POTEC: variants seen among roughly 807,000 people sequenced by gnomAD.
POTEC encodes POTE ankyrin domain family member C.
A neutral mutation model predicts 62.0 loss-of-function variants in POTEC; 35 were observed. The observed-to-expected ratio is 0.56, with a 90% CI of 0.43 to 0.75. The LOEUF (loss-of-function observed/expected upper bound fraction) is 0.75. POTEC is among the 30% of genes least tolerant of loss of function. The pLI is 0.00. For missense variants in POTEC, 472 were observed against 655.9 expected (o/e 0.72, Z 3.06); for synonymous variants, 156 against 221.5 (o/e 0.70, Z 2.62).
chr18:14,513,167 G>A (rs1003070658), intron 10 of POTEC, among the ~76,000 whole-genome samples: 4 of 151,504 alleles, frequency 2.6e-5, no homozygotes, highest in South Asian at 4.2e-4. Context: ...GAAACTACTC[G>A]GAGCAAACTG....
chr18:14,520,298 A>C (rs1356854290), intron 9 of POTEC, among the ~76,000 whole-genome samples: 2 of 151,574 alleles, frequency 1.3e-5, no homozygotes, highest in Non-Finnish European at 2.9e-5. Context: ...CCAAGGTGTT[A>C]AATTCTTAAA....
At position 14,516,244 on chromosome 18, in the gene POTEC, A is replaced by T. The variant is rs535977663; in HGVS notation, c.1410-2459T>A. ...TTACTGCAGCACAATTCACATATGC[A>T]AAGATATGTTATCAGCCAGTGTCCA... On this transcript the variant is annotated intron_variant, in intron 9 of 10. Transcript: ENST00000358970. 1.8e-4 allele frequency among the ~76,000 whole-genome samples: 24 copies of T among 134,936 alleles called. 1 individual carries two copies. In the East Asian group the frequency reaches 5.1e-3, roughly 29 times the overall value. The allele number at this position is 134,936 out of a possible 152,430, so 88.5% of individuals were successfully genotyped here. A position where few individuals can be genotyped will look rare whatever the true frequency, so the allele number is the denominator to read the frequency against.
intron 9 of POTEC, among the ~76,000 whole-genome samples, chr18:14,519,949 A>G (rs192680016): frequency 5.3e-5 from 8 of 152,278 alleles, no homozygotes; most frequent in Admixed American, 4.6e-4. Context: ...ATTAAATAAA[A>G]TGAGGTGGAA....
chr18:14,511,762 A>C lies in POTEC; in HGVS notation c.*136T>G. On this transcript the variant is annotated 3_prime_UTR_variant, in exon 11 of 11. Coordinates refer to ENST00000358970, the MANE Select transcript of POTEC (RefSeq NM_001137671.2). ...GTCAAAATCCTAAGCTGTCCACTGT[A>C]CTTAAATATTGGTTTTCGTTAATGC... 1.1e-6 allele frequency: 1 copy of C among 886,218 alleles called. No individual in the cohort carries two copies. Among genetic ancestry groups the C allele is most frequent in the Non-Finnish European group, 1.8e-6 (1 of 540,546 alleles). 54.9% of individuals were successfully genotyped at this position (886,218 alleles called of 1,614,324 possible).
In POTEC at chr18:14,507,813, A is replaced by T. The variant is rs897233625; in HGVS notation, c.*4085T>A. The T allele has an allele frequency of 6.6e-6, 1 of 152,170 alleles. No individual in the cohort carries two copies. The highest frequency in any genetic ancestry group is 2.4e-5 in the African/African-American group (1 of 41,426). The allele number at this position is 152,170 out of a possible 1,614,324, so 9.4% of individuals were successfully genotyped here. A position where few individuals can be genotyped will look rare whatever the true frequency, so the allele number is the denominator to read the frequency against. The stretch of plus-strand genomic sequence containing the variant: ...CTCAGCATTTGCTTGTCTGAAAACG[A>T]TCTTGTTTCTCCTTCACTTATGATG... On this transcript the variant is annotated 3_prime_UTR_variant, in exon 11 of 11. Coordinates refer to ENST00000358970, the MANE Select transcript of POTEC (RefSeq NM_001137671.2).
rs201953098 is a variant in POTEC, at chr18:14,534,435, C to A, written c.917+466G>T. ...GTGGCGATAAGCTAACATTAATATT[C>A]TTCAAAGAAAGCAACTTAAAGCAGA... On this transcript the variant is annotated intron_variant, in intron 4 of 10. Transcript: ENST00000358970. Among the ~76,000 whole-genome samples, 14 of 152,052 alleles carry A rather than the reference C, an allele frequency of 9.2e-5. No homozygotes were observed. In the East Asian group the frequency reaches 2.1e-3, roughly 23 times the overall value.
chr18:14,528,311 T>C (rs1364318722), intron 6 of POTEC, among the ~76,000 whole-genome samples: 2 of 152,158 alleles, frequency 1.3e-5, no homozygotes, highest in African/African-American at 4.8e-5. Context: ...CATTCCTTAT[T>C]CTTTCTTGCA....
At chr18:14,513,198 G>C (rs202117261) in intron 10 of POTEC, among the ~76,000 whole-genome samples, 23,241 of 151,490 alleles carry the variant, frequency 0.15, 2,210 homozygotes, top group East Asian at 0.44. Flanking sequence ...CAAAAGCAAG[G>C]ATAATGACAT....
rs771714555 is a variant in POTEC at position 14,511,986 on chromosome 18, A to C, written c.1541T>G (p.Leu514Arg). 5 of 1,612,066 alleles carry C rather than the reference A, an allele frequency of 3.1e-6. No homozygotes were observed. The African/African-American group carries it at 5.3e-5, about 17-fold the overall frequency. The part of the protein sequence containing the change: ...AEKKMNSELS[L>R]SHKKEEDLLR... Reference sequence around the variant, plus strand: ...GAGATCTTCTTCTTTCTTATGACTAAGAGAAAGCTAAGTAAACAAAGGGAA... The same window carrying C: ...GAGATCTTCTTCTTTCTTATGACTACGAGAAAGCTAAGTAAACAAAGGGAA... Residue 514 changes from leucine (L) to arginine (R), a missense_variant, in exon 11 of 11, where the codon CTT becomes CGT. By Grantham distance (102) the Leu-to-Arg change is moderately radical (BLOSUM62 -2). Around this residue, in one of 5 missense-constraint regions of POTEC, gnomAD observed 67 missense variants for 58.3 expected, o/e 1.15. Coordinates refer to ENST00000358970, the MANE Select transcript of POTEC (RefSeq NM_001137671.2).
intron 10 of POTEC, among the ~76,000 whole-genome samples, chr18:14,513,229 C>T (rs1393582284): frequency 2.6e-5 from 4 of 152,038 alleles, no homozygotes; most frequent in African/African-American, 9.7e-5. Flanking sequence ...GCCTCTGACC[C>T]AGCTGTACAT....
chr18:14,542,865 G>A lies in POTEC; in HGVS notation c.282C>T (p.Leu94=). ...GDHDNSFMKT[L]RSKMGKWCCH... is the part of the protein sequence containing the mutation. ...AGCACCACTTGCCCATCTTGCTCCT[G>A]AGCGTCTTCATAAAGGAGTTGTCAT... is the stretch of plus-strand genomic sequence containing the variant. The change falls in exon 1 of 11, where the codon CTC becomes CTT. Residue 94 remains leucine (L), a synonymous_variant. Transcript: ENST00000358970. The A allele has an allele frequency of 7.6e-7, 1 of 1,309,250 alleles. No individual in the cohort carries two copies. The highest frequency in any genetic ancestry group is 1.1e-6 in the Non-Finnish European group (1 of 938,714). The allele number at this position is 1,309,250 out of a possible 1,614,324, so 81.1% of individuals were successfully genotyped here. A position where few individuals can be genotyped will look rare whatever the true frequency, so the allele number is the denominator to read the frequency against.
At position 14,509,494 on chromosome 18, in the gene POTEC, C is replaced by A. The variant is rs1909940380; in HGVS notation, c.*2404G>T. The A allele has an allele frequency of 3.3e-5, 5 of 151,986 alleles. No homozygotes were observed. In the South Asian group the frequency reaches 8.3e-4, roughly 25 times the overall value. The allele number at this position is 151,986 out of a possible 1,614,324, so 9.4% of individuals were successfully genotyped here. ...CCATATGCTGTTAGGGCAAGTACAA[C>A]AAAACCCACCTGTGTAAACACACAC... On this transcript the variant is annotated 3_prime_UTR_variant, in exon 11 of 11. Transcript: ENST00000358970.
At position 14,543,060 on chromosome 18, in the gene POTEC, G is replaced by T. The variant is rs761546519; in HGVS notation, c.87C>A (p.His29Gln). Residue 29 changes from histidine (H) to glutamine (Q), a missense_variant, in exon 1 of 11, where the codon CAC becomes CAA. By Grantham distance (24) the His-to-Gln change is conservative. Coordinates refer to ENST00000358970, the MANE Select transcript of POTEC (RefSeq NM_001137671.2). ...DLRSKMGKWF[H>Q]HRFPCCKGSG... ...TCCCCTTGCAGCAGGGGAAGCGGTGGTGAAACCACTTGCCCATCTTGCTCC... is the reference window on the plus strand; with the variant it reads ...TCCCCTTGCAGCAGGGGAAGCGGTGTTGAAACCACTTGCCCATCTTGCTCC... The T allele has an allele frequency of 6.2e-7, 1 of 1,605,212 alleles. No homozygotes were observed. The highest frequency in any genetic ancestry group is 8.5e-7 in the Non-Finnish European group (1 of 1,174,380).
chr18:14,529,483 AG>A (rs1905428131), intron 6 of POTEC, among the ~76,000 whole-genome samples: 2 of 152,184 alleles, frequency 1.3e-5, no homozygotes, highest in African/African-American at 2.4e-5. Context: ...CCTAACTTAC[AG>A]AAGCTTTTTG....
intron 5 of POTEC, chr18:14,531,925 T>C: frequency 6.6e-6 from 1 of 151,536 alleles, no homozygotes; most frequent in Non-Finnish European, 1.5e-5. Context: ...TTTGAAAATA[T>C]TTTAAAATCT....
chr18:14,517,168 C>T (rs952619828), intron 9 of POTEC, among the ~76,000 whole-genome samples: 2 of 151,422 alleles, frequency 1.3e-5, no homozygotes, highest in African/African-American at 4.9e-5. Context: ...ATGAAGTCTA[C>T]AATTCTGGAA....
At chr18:14,521,927 G>T (rs919674245) in intron 9 of POTEC, among the ~76,000 whole-genome samples, 1 of 152,098 alleles carries the variant, frequency 6.6e-6, no homozygotes, top group Non-Finnish European at 1.5e-5. Context: ...TGTGGCTGAT[G>T]AAATAATCTG....
chr18:14,516,298 T>TATATA lies in POTEC; in HGVS notation c.1410-2514_1410-2513insTATAT, dbSNP rs1910151262. 1.2e-4 allele frequency among the ~76,000 whole-genome samples: 3 copies of TATATA among 25,122 alleles called. 1 individual carries two copies. Among genetic ancestry groups the TATATA allele is most frequent in the African/African-American group, 3.6e-4 (2 of 5,530 alleles). 16.5% of individuals were successfully genotyped at this position (25,122 alleles called of 152,430 possible). A position where few individuals can be genotyped will look rare whatever the true frequency, so the allele number is the denominator to read the frequency against. On this transcript the variant is annotated intron_variant, in intron 9 of 10. Coordinates refer to ENST00000358970, the MANE Select transcript of POTEC (RefSeq NM_001137671.2). ...ACTGATGAGTGGAATAAAGAAAATTTTATATATATATATATATATATATAT... is the reference window on the plus strand; with the variant it reads ...ACTGATGAGTGGAATAAAGAAAATTTATATATATATATATATATATATATATATAT...
chr18:14,540,269 A>G (rs2143170532), intron 1 of POTEC, among the ~76,000 whole-genome samples: 1 of 152,312 alleles, frequency 6.6e-6, no homozygotes, highest in South Asian at 2.1e-4. Context: ...ATAGAATGTG[A>G]GAAATTATTT....
Sources: gnomAD v4.1 joint callset for allele counts (sites outside exome capture counted in the v4.1 genomes callset) on GRCh38, gnomAD v4.1.1 for gene constraint, gnomAD v4.1.1 regional missense constraint, MANE v1.5 for transcripts, NCBI Gene and HGNC (gene_info 2026-07-23, HGNC 2026-07-21) for gene names.